EXTL3: variants seen among roughly 807,000 people sequenced by gnomAD.
The protein encoded by EXTL3 is exostosin-like 3.
A neutral mutation model predicts 69.3 loss-of-function variants in EXTL3; 27 were observed. That is an observed-to-expected ratio of 0.39 (90% CI 0.29 to 0.54). The LOEUF (loss-of-function observed/expected upper bound fraction) is 0.54, where lower values mean the gene tolerates loss of function less well. Among genes scored for constraint, EXTL3 ranks in the 20% least tolerant of loss-of-function variants. The pLI is 0.69. For synonymous variants in EXTL3, 511 were observed against 499.4 expected (o/e 1.02, Z -0.31); for missense variants, 1,003 against 1,231.8 (o/e 0.81, Z 2.78).
chr8:28,714,092 G>A (rs1801090707), intron 2 of EXTL3, among the ~76,000 whole-genome samples: 1 of 151,964 alleles, frequency 6.6e-6, no homozygotes, highest in South Asian at 2.1e-4. Context: ...TTTTAGTAGA[G>A]ATGGGGTTTT....
intron 1 of EXTL3, among the ~76,000 whole-genome samples, chr8:28,634,275 A>G (rs932810966): frequency 2.0e-5 from 3 of 152,164 alleles, no homozygotes; most frequent in African/African-American, 4.8e-5. Flanking sequence ...GCCAGGATAG[A>G]GTCCAAAGTT....
rs1802102148 is a variant in EXTL3 at position 28,755,487 on chromosome 8, G to GC, written c.*4623dup. On this transcript the variant is annotated 3_prime_UTR_variant, in exon 7 of 7. Coordinates refer to ENST00000220562, the MANE Select transcript of EXTL3 (RefSeq NM_001440.4). ...GTACAGGCTGGGTGCGGTGGTTCACGCCTGTAATCCCAGCACCTGGGGAGG... is the reference window on the plus strand; with the variant it reads ...GTACAGGCTGGGTGCGGTGGTTCACGCCCTGTAATCCCAGCACCTGGGGAGG... The GC allele has an allele frequency of 6.6e-6, 1 of 152,264 alleles. No individual in the cohort carries two copies. The highest frequency in any genetic ancestry group is 2.1e-4 in the South Asian group (1 of 4,834). 9.4% of individuals were successfully genotyped at this position (152,264 alleles called of 1,614,324 possible). A position where few individuals can be genotyped will look rare whatever the true frequency, so the allele number is the denominator to read the frequency against.
intron 1 of EXTL3, among the ~76,000 whole-genome samples, chr8:28,679,020 A>AG (rs1238726463): frequency 2.0e-5 from 3 of 152,194 alleles, no homozygotes; most frequent in African/African-American, 7.2e-5. Context: ...GCCTGGGACC[A>AG]GGGGTGGACT....
At chr8:28,686,287 A>G (rs187664156) in intron 1 of EXTL3, among the ~76,000 whole-genome samples, 4 of 151,950 alleles carry the variant, frequency 2.6e-5, no homozygotes, top group African/African-American at 9.6e-5. Context: ...TGAGCCCAGG[A>G]GTTCAAGACC....
chr8:28,717,689 C>G lies in EXTL3; in HGVS notation c.1630C>G (p.Pro544Ala). 1 of 1,614,236 alleles carries G rather than the reference C, an allele frequency of 6.2e-7. No homozygotes were observed. Among genetic ancestry groups the G allele is most frequent in the South Asian group, 1.1e-5 (1 of 91,080 alleles). Reference sequence around the variant, plus strand: ...GACTCGCATCCAGATCCCAGCCGCTCCCATCCGGGAAGAGGCGGCAGCTGA... The same window carrying G: ...GACTCGCATCCAGATCCCAGCCGCTGCCATCCGGGAAGAGGCGGCAGCTGA... The part of the protein sequence containing the change: ...IRTRIQIPAA[P>A]IREEAAAEIP... The change falls in exon 3 of 7, where the codon CCC (proline) becomes GCC (alanine). Residue 544 changes from proline (P) to alanine (A), a missense_variant. Pro to Ala is a conservative substitution (Grantham distance 27). Around this residue, in one of 2 missense-constraint regions of EXTL3, gnomAD observed 742 missense variants for 815.4 expected, o/e 0.91. Transcript: ENST00000220562. This position sits in a 1 kb window ranked among gnomAD's most constrained non-coding sequence, Gnocchi z 8.3.
chr8:28,710,263 T>C (rs1246524217), intron 1 of EXTL3: 2 of 324,738 alleles, frequency 6.2e-6, no homozygotes, highest in Non-Finnish European at 1.2e-5. Context: ...GAAAAGTAAA[T>C]TTGAGAGTCA....
intron 3 of EXTL3, among the ~76,000 whole-genome samples, chr8:28,724,225 G>T (rs1421428953): frequency 1.3e-5 from 2 of 152,100 alleles, no homozygotes; most frequent in African/African-American, 4.8e-5. Flanking sequence ...TCTCTCATTT[G>T]TTGACCTGCT....
intron 5 of EXTL3, 146 bp downstream of exon 5, chr8:28,737,809 C>T (rs566224895): frequency 1.0e-6 from 1 of 959,468 alleles, no homozygotes; most frequent in East Asian, 2.5e-5. Flanking sequence ...TTTTTACAGA[C>T]AATGATCAAG....
chr8:28,702,095 C>A (rs1800816490), intron 1 of EXTL3, among the ~76,000 whole-genome samples: 1 of 152,232 alleles, frequency 6.6e-6, no homozygotes, highest in Non-Finnish European at 1.5e-5. Flanking sequence ...CCCGGAGCAT[C>A]TTCTGTCGGC....
At chr8:28,690,184 A>T (rs1800591013) in intron 1 of EXTL3, among the ~76,000 whole-genome samples, 1 of 152,142 alleles carries the variant, frequency 6.6e-6, no homozygotes, top group Admixed American at 6.6e-5. Flanking sequence ...AATATTCTAC[A>T]CATTAATTTT....
intron 1 of EXTL3, among the ~76,000 whole-genome samples, chr8:28,704,528 A>G (rs989955645): frequency 2.6e-5 from 4 of 152,222 alleles, no homozygotes; most frequent in Admixed American, 2.6e-4. Flanking sequence ...GGACTGGTCA[A>G]TAATATTAAT....
At position 28,716,500 on chromosome 8, in the gene EXTL3, C is replaced by T. The variant is rs1251496619; in HGVS notation, c.441C>T (p.Ala147=). ...QTEHSYKELM[A]QNQPKLSLPI... Reference sequence around the variant, plus strand: ...AGCATTCCTACAAGGAGCTCATGGCCCAGAACCAGCCCAAGCTGTCCCTGC... The same window carrying T: ...AGCATTCCTACAAGGAGCTCATGGCTCAGAACCAGCCCAAGCTGTCCCTGC... The change falls in exon 3 of 7, where the codon GCC becomes GCT. Residue 147 remains alanine (A), a synonymous_variant. Coordinates refer to ENST00000220562, the MANE Select transcript of EXTL3 (RefSeq NM_001440.4). This position sits in a 1 kb window ranked among gnomAD's most constrained non-coding sequence, Gnocchi z 7.1. The T allele has an allele frequency of 1.9e-6, 3 of 1,614,014 alleles. No homozygotes were observed. Among genetic ancestry groups the T allele is most frequent in the South Asian group, 2.2e-5 (2 of 91,082 alleles).
intron 1 of EXTL3, among the ~76,000 whole-genome samples, chr8:28,664,984 ACT>A (rs1807172529): frequency 7.0e-6 from 1 of 142,530 alleles, no homozygotes; most frequent in Non-Finnish European, 1.5e-5. Context: ...GGACTACCTG[ACT>A]CTATCACCCT....
intron 1 of EXTL3, among the ~76,000 whole-genome samples, chr8:28,672,896 C>T (rs1192609824): frequency 2.6e-5 from 4 of 152,046 alleles, no homozygotes; most frequent in South Asian, 4.2e-4. Flanking sequence ...GTAATTGAAT[C>T]GGGGGGTGGG....
rs537931607 is a variant in EXTL3, at chr8:28,680,399, A to C, written c.-52-33058A>C. On this transcript the variant is annotated intron_variant, in intron 1 of 6. Transcript: ENST00000523149. ...AGACTCTGTCTCAAAAAAAAAAAAA[A>C]AAAAAACAGCATACTATTTATTTCT... Among the ~76,000 whole-genome samples, 12 of 152,130 alleles carry C rather than the reference A, an allele frequency of 7.9e-5. No homozygotes were observed. In the East Asian group the frequency reaches 1.2e-3, roughly 15 times the overall value.
At chr8:28,672,914 T>C (rs1260168631) in intron 1 of EXTL3, among the ~76,000 whole-genome samples, 1 of 152,204 alleles carries the variant, frequency 6.6e-6, no homozygotes, top group Non-Finnish European at 1.5e-5. Context: ...GGGTCTTCCC[T>C]GTGCAGTTCT....
At chr8:28,635,715 C>CCACACACACACACACACA (rs146671194) in intron 1 of EXTL3, among the ~76,000 whole-genome samples, 3,033 of 142,740 alleles carry the variant, frequency 0.021, 59 homozygotes, top group Middle Eastern at 0.032. Flanking sequence ...CCCCACAACT[C>CCACACACACACACACACA]CACACACACA....
intron 3 of EXTL3, among the ~76,000 whole-genome samples, chr8:28,722,274 G>GGAT (rs1005197394): frequency 1.3e-5 from 2 of 152,200 alleles, no homozygotes; most frequent in African/African-American, 4.8e-5. Context: ...GTCTGCCTTA[G>GGAT]GATGCCCTTG....
chr8:28,707,803 A>G (rs1800953931), intron 1 of EXTL3, among the ~76,000 whole-genome samples: 1 of 152,244 alleles, frequency 6.6e-6, no homozygotes, highest in South Asian at 2.1e-4. Flanking sequence ...ACTGACTGGT[A>G]AAACAATACG....
Sources: gnomAD v4.1 joint callset for allele counts (sites outside exome capture counted in the v4.1 genomes callset) on GRCh38, gnomAD v4.1.1 for gene constraint, gnomAD v4.1.1 regional missense constraint, Gnocchi (gnomAD v3.1) non-coding constraint, MANE v1.5 for transcripts, NCBI Gene and HGNC (gene_info 2026-07-23, HGNC 2026-07-21) for gene names.